The following PRKACB variants were observed in gnomAD, a reference collection of about 807,000 sequenced individuals.
PRKACB encodes the protein cAMP-dependent protein kinase catalytic subunit beta.
In PRKACB, 16 loss-of-function variants were observed where a neutral mutation model predicts 51.4. The ratio of observed to expected loss-of-function variants is 0.31; its 90% CI spans 0.21 to 0.47. PRKACB has a LOEUF of 0.47. Among genes scored for constraint, PRKACB ranks in the 20% least tolerant of loss-of-function variants. The probability of loss-of-function intolerance (pLI) is 1.00; values close to 1 mark genes in which losing one functional copy is unlikely to be tolerated. For missense variants in PRKACB, 309 were observed against 464.5 expected (o/e 0.67, Z 3.08); for synonymous variants, 147 against 154.4 (o/e 0.95, Z 0.35).
At chr1:84,210,648 A>G (rs1671991427) in intron 8 of PRKACB, among the ~76,000 whole-genome samples, 1 of 152,172 alleles carries the variant, frequency 6.6e-6, no homozygotes, top group Non-Finnish European at 1.5e-5. Flanking sequence ...TATAGTAGTT[A>G]TAATTGATAA....
chr1:84,176,958 T>TA (rs1415525915), intron 1 of PRKACB, among the ~76,000 whole-genome samples: 1 of 152,012 alleles, frequency 6.6e-6, no homozygotes, highest in Non-Finnish European at 1.5e-5. Flanking sequence ...TTTTTCAACT[T>TA]ACCATCTTTG....
intron 1 of PRKACB, among the ~76,000 whole-genome samples, chr1:84,101,757 G>T (rs553537945): frequency 4.1e-4 from 63 of 152,240 alleles, no homozygotes; most frequent in South Asian, 8.3e-4. Context: ...GCACTACATG[G>T]TGAGGATACA....
intron 8 of PRKACB, among the ~76,000 whole-genome samples, chr1:84,207,097 C>A (rs753900210): frequency 3.4e-4 from 51 of 152,154 alleles, no homozygotes; most frequent in Non-Finnish European, 6.0e-4. Flanking sequence ...TTACTCTTTT[C>A]ATAAAACCCA....
At chr1:84,128,598 ATATT>A (rs1651870908) in intron 1 of PRKACB, among the ~76,000 whole-genome samples, 3 of 152,328 alleles carry the variant, frequency 2.0e-5, no homozygotes, top group South Asian at 2.1e-4. Flanking sequence ...TAATAGTCAT[ATATT>A]TATTAATCAG....
chr1:84,160,892 T>C (rs928154498), intron 1 of PRKACB, among the ~76,000 whole-genome samples: 1 of 151,882 alleles, frequency 6.6e-6, no homozygotes, highest in African/African-American at 2.4e-5. Context: ...TTATATTTTC[T>C]AGCATTTGCT....
intron 5 of PRKACB, among the ~76,000 whole-genome samples, chr1:84,188,759 C>T (rs1213214419): frequency 2.0e-5 from 3 of 151,670 alleles, no homozygotes; most frequent in Non-Finnish European, 4.4e-5. Flanking sequence ...AAATGTTTTC[C>T]AAGGGCCCAG....
intron 5 of PRKACB, among the ~76,000 whole-genome samples, chr1:84,193,399 T>C (rs1401654765): frequency 6.6e-6 from 1 of 152,126 alleles, no homozygotes; most frequent in East Asian, 1.9e-4. Context: ...AATAAAAATA[T>C]AGAGATGAAT....
chr1:84,138,165 G>A (rs1653015643), intron 1 of PRKACB, among the ~76,000 whole-genome samples: 1 of 152,084 alleles, frequency 6.6e-6, no homozygotes, highest in Admixed American at 6.6e-5. Context: ...TACACAAAGT[G>A]AGCATGGGGC....
Position 84,197,837 on chromosome 1 carries a change from T to G in PRKACB, c.783+13T>G. ...AATTCTCAGCAAGGTATATTCATAATATCAACACATAAGAAGTAGAAATAT... is the reference window on the plus strand; with the variant it reads ...AATTCTCAGCAAGGTATATTCATAAGATCAACACATAAGAAGTAGAAATAT... On this transcript the variant is annotated intron_variant, in intron 7 of 9. Coordinates refer to ENST00000370685, the MANE Select transcript of PRKACB (RefSeq NM_182948.4). The G allele has an allele frequency of 6.5e-7, 1 of 1,546,150 alleles. No individual in the cohort carries two copies. The highest frequency in any genetic ancestry group is 8.9e-7 in the Non-Finnish European group (1 of 1,121,880).
At chr1:84,108,643 A>G (rs1012126574) in intron 1 of PRKACB, among the ~76,000 whole-genome samples, 4 of 152,022 alleles carry the variant, frequency 2.6e-5, no homozygotes, top group African/African-American at 9.7e-5. Context: ...TATTAACCTC[A>G]TTTGCAGATG....
At chr1:84,180,183 G>GAGATATATATATATATAT (rs1662810350) in intron 2 of PRKACB, among the ~76,000 whole-genome samples, 1 of 32,062 alleles carries the variant, frequency 3.1e-5, no homozygotes, top group Non-Finnish European at 7.8e-5. Context: ...AAGAAACTGT[G>GAGATATATATATATATAT]ATATATATAT....
At chr1:84,220,833 T>G in intron 9 of PRKACB, among the ~76,000 whole-genome samples, 1 of 152,168 alleles carries the variant, frequency 6.6e-6, no homozygotes, top group East Asian at 1.9e-4. Context: ...GTTGTTGGAT[T>G]TTTGTTAGCT....
At chr1:84,129,740 A>T (rs1651986817) in intron 1 of PRKACB, among the ~76,000 whole-genome samples, 1 of 152,258 alleles carries the variant, frequency 6.6e-6, no homozygotes, top group Non-Finnish European at 1.5e-5. Context: ...AACAGAATAC[A>T]TAAAGTAGCT....
intron 1 of PRKACB, among the ~76,000 whole-genome samples, chr1:84,167,576 A>T (rs780784657): frequency 6.6e-6 from 1 of 151,590 alleles, no homozygotes; most frequent in African/African-American, 2.4e-5. Flanking sequence ...TTTGTATGTC[A>T]CTTTCTAATC....
chr1:84,217,719 A>G (rs913053879), intron 9 of PRKACB, among the ~76,000 whole-genome samples: 1 of 152,108 alleles, frequency 6.6e-6, no homozygotes, highest in Non-Finnish European at 1.5e-5. Flanking sequence ...CTTAAGCCCA[A>G]GAGGTCAAGG....
chr1:84,234,772 C>G (rs1184227535), intron 9 of PRKACB, among the ~76,000 whole-genome samples: 1 of 152,246 alleles, frequency 6.6e-6, no homozygotes, highest in South Asian at 2.1e-4. Flanking sequence ...CCTGCTTCGG[C>G]TCGCACACGG....
intron 5 of PRKACB, 40 bp from the exon 6 acceptor site, chr1:84,196,576 C>T (rs1668304098): frequency 6.3e-7 from 1 of 1,592,022 alleles, no homozygotes; most frequent in Non-Finnish European, 8.6e-7. Context: ...AATGTATTAA[C>T]TCATTTTTAC....
intron 5 of PRKACB, 79 bp from the exon 6 acceptor site, chr1:84,196,537 T>G (rs1668293422): frequency 7.1e-7 from 1 of 1,409,044 alleles, no homozygotes; most frequent in African/African-American, 1.5e-5. Flanking sequence ...CTACTTCATA[T>G]TAGTTTTTAT....
intron 1 of PRKACB, among the ~76,000 whole-genome samples, chr1:84,135,780 T>G (rs1329464501): frequency 2.0e-5 from 3 of 152,010 alleles, no homozygotes; most frequent in African/African-American, 7.2e-5. Flanking sequence ...TAGGGGAAAT[T>G]TATAGCCTTA....
Sources: allele counts gnomAD v4.1 joint callset (sites outside exome capture counted in the v4.1 genomes callset), GRCh38; gene constraint gnomAD v4.1.1; transcripts MANE v1.5; gene names NCBI Gene and HGNC (gene_info 2026-07-23, HGNC 2026-07-21).